Variants in DCC observed in about 807,000 individuals in gnomAD.
The protein encoded by DCC is netrin receptor DCC.
In DCC, 58 loss-of-function variants were observed where a neutral mutation model predicts 172.5. The ratio of observed to expected loss-of-function variants is 0.34; its 90% CI spans 0.27 to 0.42. DCC has a LOEUF of 0.42. Among genes scored for constraint, DCC ranks in the 10% least tolerant of loss-of-function variants. The pLI is 1.00. For synonymous variants in DCC, 709 were observed against 644.5 expected, an observed-to-expected ratio of 1.10 and a Z score of -1.52; for missense variants, 1,740 against 1,791.0, an observed-to-expected ratio of 0.97 and a Z score of 0.51.
Position 52,955,894 on chromosome 18 carries a change from C to T in DCC, c.985+30524C>T, listed in dbSNP as rs532845378. ...GAGGTGACTGTTTATGTCTGTTGCC[C>T]ATTTTAAAAATCAGGTTGCTTGTTA... On this transcript the variant is annotated intron_variant, in intron 5 of 28. Coordinates refer to ENST00000442544, the MANE Select transcript of DCC (RefSeq NM_005215.4). Among the ~76,000 whole-genome samples, 7 of 151,886 alleles carry T rather than the reference C, an allele frequency of 4.6e-5. No homozygotes were observed. In the East Asian group the frequency reaches 1.4e-3, roughly 29 times the overall value.
intron 1 of DCC, among the ~76,000 whole-genome samples, chr18:52,501,571 G>C (rs2031022172): frequency 6.6e-6 from 1 of 152,136 alleles, no homozygotes; most frequent in South Asian, 2.1e-4. Context: ...TGTTGGGTCA[G>C]TGCTTGGTGA....
intron 2 of DCC, among the ~76,000 whole-genome samples, chr18:52,814,831 CTGAA>C (rs1425195449): frequency 2.6e-5 from 4 of 152,030 alleles, no homozygotes; most frequent in African/African-American, 7.2e-5. Context: ...GCATGATTCT[CTGAA>C]TGGAGGAAAA....
At chr18:52,460,540 T>TA (rs1988598941) in intron 1 of DCC, among the ~76,000 whole-genome samples, 1 of 152,196 alleles carries the variant, frequency 6.6e-6, no homozygotes, top group Non-Finnish European at 1.5e-5. Context: ...ACAACAGGTG[T>TA]AAGTTCTGAG....
chr18:52,800,905 T>C (rs562219757), intron 2 of DCC, among the ~76,000 whole-genome samples: 1 of 152,340 alleles, frequency 6.6e-6, no homozygotes, highest in East Asian at 1.9e-4. Context: ...TGGACTGGTA[T>C]AATTATGCAC....
At chr18:53,422,469 C>T (rs866380106) in intron 21 of DCC, among the ~76,000 whole-genome samples, 4 of 152,222 alleles carry the variant, frequency 2.6e-5, no homozygotes, top group South Asian at 2.1e-4. Context: ...CTGCTCTTGA[C>T]GTTGTGTAAT....
intron 5 of DCC, among the ~76,000 whole-genome samples, chr18:52,987,847 A>G (rs1055859118): frequency 1.3e-5 from 2 of 152,150 alleles, no homozygotes; most frequent in Non-Finnish European, 1.5e-5. Context: ...TTATTTCCAA[A>G]CTGTCTGCAC....
chr18:53,276,674 T>G (rs1388498504), intron 12 of DCC, among the ~76,000 whole-genome samples: 1 of 152,090 alleles, frequency 6.6e-6, no homozygotes, highest in African/African-American at 2.4e-5. Context: ...CTGAGATATA[T>G]CTAGAAAGTA....
chr18:52,567,806 G>A lies in DCC; in HGVS notation c.92-184248G>A, dbSNP rs558428597. ...TACCCCTTAAATTTATGCAAAATAA[G>A]CAGTATTGAGCTTAAAAAAAAACAG... On this transcript the variant is annotated intron_variant, in intron 1 of 28. Coordinates refer to ENST00000442544, the MANE Select transcript of DCC (RefSeq NM_005215.4). Among the ~76,000 whole-genome samples the A allele has an allele frequency of 5.3e-5, 8 of 152,052 alleles. No individual in the cohort carries two copies. In the South Asian group the frequency reaches 1.7e-3, roughly 32 times the overall value.
chr18:52,595,182 C>T (rs906455676), intron 1 of DCC, among the ~76,000 whole-genome samples: 1 of 152,202 alleles, frequency 6.6e-6, no homozygotes, highest in African/African-American at 2.4e-5. Context: ...CAAAAACTTA[C>T]AGGCATATTA....
At chr18:53,091,191 T>C (rs2043003528) in intron 7 of DCC, among the ~76,000 whole-genome samples, 1 of 151,922 alleles carries the variant, frequency 6.6e-6, no homozygotes, top group Non-Finnish European at 1.5e-5. Flanking sequence ...TGATGCTTTG[T>C]GTACTTAGAA....
chr18:52,530,130 C>A (rs2032103656), intron 1 of DCC, among the ~76,000 whole-genome samples: 1 of 152,110 alleles, frequency 6.6e-6, no homozygotes, highest in Admixed American at 6.5e-5. Context: ...TGTTCAAGCA[C>A]TTGTAGTTTA....
At chr18:53,046,694 T>G (rs1210601120) in intron 5 of DCC, among the ~76,000 whole-genome samples, 5 of 151,950 alleles carry the variant, frequency 3.3e-5, no homozygotes, top group Non-Finnish European at 5.9e-5. Flanking sequence ...CAGATTACAG[T>G]TCAAACTTCT....
intron 8 of DCC, among the ~76,000 whole-genome samples, chr18:53,176,929 C>T (rs975662220): frequency 1.3e-5 from 2 of 151,152 alleles, no homozygotes; most frequent in African/African-American, 4.9e-5. Flanking sequence ...GGAACCAACC[C>T]AAATGTCCAA....
chr18:52,589,397 C>A (rs1383613071), intron 1 of DCC, among the ~76,000 whole-genome samples: 3 of 152,140 alleles, frequency 2.0e-5, no homozygotes, highest in Non-Finnish European at 4.4e-5. Context: ...TAAGTATATC[C>A]AAGAGTGTCA....
At position 52,752,287 on chromosome 18, in the gene DCC, A is replaced by G. The variant is rs2037007695; in HGVS notation, c.325A>G (p.Lys109Glu). ...AAACATACTTCATTCCAGACACCAC[A>G]AGCCAGATGAGGGACTTTACCAATG... ...IQNILHSRHH[K>E]PDEGLYQCEA... Residue 109 changes from lysine to glutamate, a missense_variant, in exon 2 of 29, where the codon AAG (lysine) becomes GAG (glutamate). Lys to Glu is a moderately conservative substitution (Grantham distance 56). Coordinates refer to ENST00000442544, the MANE Select transcript of DCC (RefSeq NM_005215.4). The G allele has an allele frequency of 1.2e-6, 2 of 1,614,136 alleles. No individual in the cohort carries two copies. The highest frequency in any genetic ancestry group is 8.5e-7 in the Non-Finnish European group (1 of 1,180,024).
intron 1 of DCC, among the ~76,000 whole-genome samples, chr18:52,415,444 C>T (rs987327747): frequency 6.6e-6 from 1 of 152,134 alleles, no homozygotes; most frequent in Admixed American, 6.6e-5. Flanking sequence ...TATGGACTAA[C>T]GGTGCATATA....
intron 1 of DCC, among the ~76,000 whole-genome samples, chr18:52,489,614 C>A (rs1057063381): frequency 6.6e-6 from 1 of 152,032 alleles, no homozygotes; most frequent in African/African-American, 2.4e-5. Context: ...TGCCAGGAGA[C>A]CTTTGCTTTG....
At chr18:53,275,410 C>T (rs547766966) in intron 12 of DCC, among the ~76,000 whole-genome samples, 4 of 152,118 alleles carry the variant, frequency 2.6e-5, no homozygotes, top group African/African-American at 9.6e-5. Context: ...TATATGATCT[C>T]CACTGGCCCT....
intron 5 of DCC, among the ~76,000 whole-genome samples, chr18:52,945,287 G>T (rs539489174): frequency 1.3e-5 from 2 of 152,230 alleles, no homozygotes; most frequent in Admixed American, 6.5e-5. Flanking sequence ...GATCTTTATA[G>T]AAAGGTAAAT....
Sources: gnomAD v4.1 joint callset for allele counts (sites outside exome capture counted in the v4.1 genomes callset) on GRCh38, gnomAD v4.1.1 for gene constraint, MANE v1.5 for transcripts, NCBI Gene and HGNC (gene_info 2026-07-23, HGNC 2026-07-21) for gene names.